Variants in AP3B1 observed in about 807,000 individuals in gnomAD.
The protein encoded by AP3B1 is AP-3 complex subunit beta-1.
AP3B1 carries 61 observed loss-of-function variants against 132.5 expected under a neutral mutation model. The observed-to-expected ratio is 0.46, with a 90% CI of 0.37 to 0.57. The LOEUF (loss-of-function observed/expected upper bound fraction) is 0.57, where lower values mean the gene tolerates loss of function less well. AP3B1 is among the 20% of genes least tolerant of loss of function. AP3B1 has a pLI of 0.00. For missense variants in AP3B1, 1,120 were observed against 1,289.4 expected (o/e 0.87, Z 2.01); for synonymous variants, 388 against 438.3 (o/e 0.89, Z 1.43).
Position 78,002,760 on chromosome 5 carries a change from T to C in AP3B1, c.*142A>G. The C allele has an allele frequency of 3.1e-6, 3 of 983,422 alleles. No homozygotes were observed. The highest frequency in any genetic ancestry group is 1.3e-5 in the South Asian group (1 of 76,950). 60.9% of individuals were successfully genotyped at this position (983,422 alleles called of 1,614,324 possible). On this transcript the variant is annotated 3_prime_UTR_variant, in exon 27 of 27. Coordinates refer to ENST00000255194, the MANE Select transcript of AP3B1 (RefSeq NM_003664.5). Reference sequence around the variant, plus strand: ...ACATGATAGATACACACTAGCATTCTAAAGCAGGAGACAAGAATGTCAAGA... The same window carrying C: ...ACATGATAGATACACACTAGCATTCCAAAGCAGGAGACAAGAATGTCAAGA...
At chr5:78,153,589 T>C (rs1392914486) in intron 14 of AP3B1, among the ~76,000 whole-genome samples, 2 of 152,154 alleles carry the variant, frequency 1.3e-5, no homozygotes, top group African/African-American at 4.8e-5. Context: ...TCCTGCCATT[T>C]TGTTATTTGT....
chr5:78,257,407 A>AATC (rs915033942), intron 2 of AP3B1, among the ~76,000 whole-genome samples: 36 of 152,314 alleles, frequency 2.4e-4, no homozygotes, highest in African/African-American at 8.4e-4. Context: ...TTTTAAAAGT[A>AATC]ATCCCATTTA....
At chr5:78,120,493 G>C (rs1404755592) in intron 17 of AP3B1, among the ~76,000 whole-genome samples, 1 of 152,200 alleles carries the variant, frequency 6.6e-6, no homozygotes, top group Non-Finnish European at 1.5e-5. Flanking sequence ...AAGGGATGGA[G>C]GAAGATCTAC....
Position 78,022,553 on chromosome 5 carries a change from C to T in AP3B1, c.2895-1764G>A, listed in dbSNP as rs578020325. 3.3e-5 allele frequency among the ~76,000 whole-genome samples: 5 copies of T among 152,278 alleles called. 1 individual carries two copies. Among genetic ancestry groups the T allele is most frequent in the African/African-American group, 1.2e-4 (5 of 41,540 alleles). The stretch of plus-strand genomic sequence containing the variant: ...GTTGTGGAATCCTGTCCAGCTGGTG[C>T]CTCCTTTCACTCTCTAAAGTGTCCT... On this transcript the variant is annotated intron_variant, in intron 24 of 26. Transcript: ENST00000255194.
At chr5:78,093,778 A>G (rs959493589) in intron 21 of AP3B1, among the ~76,000 whole-genome samples, 3 of 152,228 alleles carry the variant, frequency 2.0e-5, no homozygotes, top group Admixed American at 2.0e-4. Flanking sequence ...GCTTTTACGT[A>G]TATCAAGTCA....
chr5:78,060,901 T>C lies in AP3B1; in HGVS notation c.2578-21627A>G, dbSNP rs76809902. On this transcript the variant is annotated intron_variant, in intron 22 of 26. Coordinates refer to ENST00000255194, the MANE Select transcript of AP3B1 (RefSeq NM_003664.5). ...AAGGGCATTAACCTATATCCACGAT[T>C]CTACCCAAATTTTTCTTGGAGGACT... is the stretch of plus-strand genomic sequence containing the variant. 3.5e-3 allele frequency among the ~76,000 whole-genome samples: 536 copies of C among 152,294 alleles called. 7 individuals carry two copies. The highest frequency in any genetic ancestry group is 0.012 in the African/African-American group (505 of 41,574).
chr5:78,136,303 G>A (rs1752907007), intron 15 of AP3B1, among the ~76,000 whole-genome samples: 2 of 152,124 alleles, frequency 1.3e-5, no homozygotes, highest in Non-Finnish European at 2.9e-5. Context: ...TTGTGAGGTA[G>A]GTACAGTCAG....
intron 11 of AP3B1, among the ~76,000 whole-genome samples, chr5:78,168,568 C>T (rs940297602): frequency 6.6e-6 from 1 of 152,100 alleles, no homozygotes; most frequent in African/African-American, 2.4e-5. Context: ...AAAAGCTACA[C>T]GTATAGTACA....
chr5:78,241,224 G>C (rs1747122862), intron 2 of AP3B1, among the ~76,000 whole-genome samples: 1 of 147,658 alleles, frequency 6.8e-6, no homozygotes, highest in Non-Finnish European at 1.5e-5. Context: ...TTTTTAGACA[G>C]ATCCTACTCT....
At chr5:78,073,754 A>G (rs1327817367) in intron 22 of AP3B1, among the ~76,000 whole-genome samples, 1 of 152,196 alleles carries the variant, frequency 6.6e-6, no homozygotes, top group Admixed American at 6.5e-5. Flanking sequence ...AAAGCTAAAA[A>G]TCATAATCTT....
At chr5:78,111,401 T>G (rs1005180899) in intron 19 of AP3B1, among the ~76,000 whole-genome samples, 1 of 152,224 alleles carries the variant, frequency 6.6e-6, no homozygotes, top group African/African-American at 2.4e-5. Context: ...ACAGAGGATC[T>G]CTGTGTGTCT....
chr5:78,057,470 C>A lies in AP3B1; in HGVS notation c.2578-18196G>T, dbSNP rs537572519. ...AATCATATGATATGAAACAATTTCC[C>A]GTCTCTTCTTGAGCTGGGTATTTTC... On this transcript the variant is annotated intron_variant, in intron 22 of 26. Coordinates refer to ENST00000255194, the MANE Select transcript of AP3B1 (RefSeq NM_003664.5). Among the ~76,000 whole-genome samples the A allele has an allele frequency of 6.1e-4, 93 of 152,178 alleles. 3 individuals are homozygous for A. In the South Asian group the frequency reaches 0.018, roughly 30 times the overall value.
intron 22 of AP3B1, among the ~76,000 whole-genome samples, chr5:78,054,349 G>A (rs1271842473): frequency 1.3e-5 from 2 of 152,258 alleles, no homozygotes; most frequent in South Asian, 2.1e-4. Context: ...ATATGGATAA[G>A]TGATTAAGAG....
At chr5:78,188,768 A>T (rs1446763509) in intron 7 of AP3B1, among the ~76,000 whole-genome samples, 1 of 152,174 alleles carries the variant, frequency 6.6e-6, no homozygotes, top group African/African-American at 2.4e-5. Context: ...TTATAAAGAT[A>T]TATGCACGCA....
At chr5:78,110,099 G>A in intron 20 of AP3B1, 108 bp downstream of exon 20, 1 of 1,018,630 alleles carries the variant, frequency 9.8e-7, no homozygotes, top group Non-Finnish European at 1.5e-6. Context: ...TAAGGGAAAG[G>A]CTTATCTAGA....
chr5:78,120,519 C>CA (rs1450728899), intron 17 of AP3B1, among the ~76,000 whole-genome samples: 1 of 151,570 alleles, frequency 6.6e-6, no homozygotes, highest in Non-Finnish European at 1.5e-5. Context: ...AAATGGAAAA[C>CA]AAAAAAAGGC....
intron 22 of AP3B1, among the ~76,000 whole-genome samples, chr5:78,055,831 G>T (rs1748790591): frequency 6.6e-6 from 1 of 152,074 alleles, no homozygotes; most frequent in Non-Finnish European, 1.5e-5. Flanking sequence ...CATAAACTGA[G>T]ATTAGAATTG....
chr5:78,077,843 C>T (rs1232445646), intron 22 of AP3B1, among the ~76,000 whole-genome samples: 2 of 152,168 alleles, frequency 1.3e-5, no homozygotes, highest in Admixed American at 6.5e-5. Flanking sequence ...TGACTATTTC[C>T]CTCAGTAACC....
chr5:78,181,469 A>T, intron 8 of AP3B1, 38 bp downstream of exon 8: 1 of 1,598,460 alleles, frequency 6.3e-7, no homozygotes, highest in Non-Finnish European at 8.5e-7. Flanking sequence ...TGTTTTTTAA[A>T]AACCAGTGAA....
Sources: gnomAD v4.1 joint callset for allele counts (sites outside exome capture counted in the v4.1 genomes callset) on GRCh38, gnomAD v4.1.1 for gene constraint, MANE v1.5 for transcripts, NCBI Gene and HGNC (gene_info 2026-07-23, HGNC 2026-07-21) for gene names.